The following EEF2KMT variants were observed in gnomAD, a reference collection of about 807,000 sequenced individuals.
EEF2KMT encodes the protein protein-lysine N-methyltransferase EEF2KMT.
In EEF2KMT, 30 loss-of-function variants were observed where a neutral mutation model predicts 35.1. The observed-to-expected ratio is 0.85, with a 90% CI of 0.64 to 1.16. EEF2KMT has a LOEUF of 1.16. Ranked by LOEUF, EEF2KMT falls within the 50% of genes most tolerant of loss-of-function variation. The pLI is 0.00. For missense variants in EEF2KMT, 499 were observed against 438.2 expected, an observed-to-expected ratio of 1.14 and a Z score of -1.24; for synonymous variants, 190 against 187.7, an observed-to-expected ratio of 1.01 and a Z score of -0.10.
Position 5,091,905 on chromosome 16 carries a change from GACAGAGTGAGA to G in EEF2KMT, c.241-21_241-11del, listed in dbSNP as rs752433014. ...TGTGGACAGCCTCGTGCTGGGGGCA[GACAGAGTGAGA>G]GCTTGTTTGCTTTCGTTCTAATCTG... On this transcript the variant is annotated splice_polypyrimidine_tract_variant and intron_variant, in intron 3 of 7. Coordinates refer to ENST00000427587, the MANE Select transcript of EEF2KMT (RefSeq NM_201400.4). 5.0e-6 allele frequency: 8 copies of G among 1,611,572 alleles called. No individual in the cohort carries two copies. In the African/African-American group the frequency reaches 1.1e-4, roughly 22 times the overall value.
In EEF2KMT at chr16:5,090,346, A is replaced by G. The variant is rs150428086; in HGVS notation, c.480T>C (p.Thr160=). The change falls in exon 6 of 8, where the codon ACT becomes ACC. Residue 160 remains threonine (T), a synonymous_variant. Coordinates refer to ENST00000427587, the MANE Select transcript of EEF2KMT (RefSeq NM_201400.4). The surrounding 1 kb of genome is among the most constrained non-coding windows in gnomAD (Gnocchi z 4.1). ...CAGCACCACTGCCAAGCTCTAGGAC[A>G]GTCCTGGCGGGAGGAAAGGGGACCG... ...IENPAVFTNR[T]VLELGSGAGL... is the part of the protein sequence containing the mutation. 45 of 1,611,942 alleles carry G rather than the reference A, an allele frequency of 2.8e-5. No homozygotes were observed. In the African/African-American group the frequency reaches 4.3e-4, roughly 15 times the overall value.
chr16:5,095,026 T>C (rs1756977812), intron 2 of EEF2KMT, among the ~76,000 whole-genome samples: 4 of 152,140 alleles, frequency 2.6e-5, no homozygotes, highest in Admixed American at 2.6e-4. Context: ...GCAGATGCAC[T>C]TGAGTCCAAA....
At chr16:5,088,214 T>G (rs1405788186) in intron 7 of EEF2KMT, among the ~76,000 whole-genome samples, 2 of 152,004 alleles carry the variant, frequency 1.3e-5, no homozygotes, top group Non-Finnish European at 2.9e-5. Flanking sequence ...AGTGCTGGGA[T>G]GACAGGCCTG....
chr16:5,090,518 G>C lies in EEF2KMT; in HGVS notation c.390C>G (p.Ser130=). 3 of 1,612,042 alleles carry C rather than the reference G, an allele frequency of 1.9e-6. No individual in the cohort carries two copies. The highest frequency in any genetic ancestry group is 2.5e-6 in the Non-Finnish European group (3 of 1,179,848). ...ATGTGACCAGGCCTGTGGTACCGTAGGAGATGATGGCCGTGCTCTCGGAGA... is the reference window on the plus strand; with the variant it reads ...ATGTGACCAGGCCTGTGGTACCGTACGAGATGATGGCCGTGCTCTCGGAGA... The part of the protein sequence containing the change: ...VTLSESTAII[S]YGTTGLVTWD... The change falls in exon 5 of 8, where the codon TCC becomes TCG. Residue 130 remains serine (S), a synonymous_variant. Transcript: ENST00000427587. The surrounding 1 kb of genome is among the most constrained non-coding windows in gnomAD (Gnocchi z 4.1).
At position 5,097,649 on chromosome 16, in the gene EEF2KMT, A is replaced by C; in HGVS notation, c.91T>G (p.Trp31Gly). 6.4e-7 allele frequency: 1 copy of C among 1,568,258 alleles called. No homozygotes were observed. Among genetic ancestry groups the C allele is most frequent in the Non-Finnish European group, 8.6e-7 (1 of 1,163,488 alleles). The change falls in exon 1 of 8, where the codon TGG becomes GGG. Residue 31 changes from tryptophan (W) to glycine (G), a missense_variant. Physicochemically the swap from Trp to Gly is radical, Grantham distance 184. Transcript: ENST00000427587. ...CCGCTCGCCCCGCCGCCCACCTGCC[A>C]GGGGAAGGAGCGCAGTGTGCGTGCC... is the stretch of plus-strand genomic sequence containing the variant. ...LAARTLRSFP[W>G]QSLEAKLRDS...
At chr16:5,087,388 A>G (rs564091453) in intron 7 of EEF2KMT, 4 of 152,208 alleles carry the variant, frequency 2.6e-5, no homozygotes, top group South Asian at 2.1e-4. Flanking sequence ...AAGTCTCGCT[A>G]TGTTGCTCAA....
intron 3 of EEF2KMT, 26 bp from the exon 4 acceptor site, chr16:5,091,921 G>C: frequency 6.2e-7 from 1 of 1,610,790 alleles, no homozygotes; most frequent in Non-Finnish European, 8.5e-7. Context: ...GTGAGAGCTT[G>C]TTTGCTTTCG....
At chr16:5,094,365 C>T (rs879786578) in intron 2 of EEF2KMT, among the ~76,000 whole-genome samples, 3 of 152,154 alleles carry the variant, frequency 2.0e-5, no homozygotes, top group South Asian at 2.1e-4. Flanking sequence ...TGGGTTCAAG[C>T]GATTCTCCTG....
chr16:5,084,810 C>T lies in EEF2KMT; in HGVS notation c.*822G>A, dbSNP rs764363207. On this transcript the variant is annotated 3_prime_UTR_variant, in exon 8 of 8. Transcript: ENST00000427587. ...GCTAAACCAGTTCCGGAAGAACCTG[C>T]GGGAGTCGCAGCAGCTCCGATGGGA... 2.8e-5 allele frequency: 45 copies of T among 1,596,442 alleles called. No homozygotes were observed. Among genetic ancestry groups the T allele is most frequent in the East Asian group, 2.7e-4 (12 of 44,884 alleles).
intron 2 of EEF2KMT, among the ~76,000 whole-genome samples, chr16:5,094,572 G>T (rs571039873): frequency 6.6e-6 from 1 of 152,296 alleles, no homozygotes; most frequent in African/African-American, 2.4e-5. Context: ...CTTGTGCTGG[G>T]TTTTAAAGCA....
In EEF2KMT at chr16:5,085,338, A is replaced by G; in HGVS notation, c.*294T>C. On this transcript the variant is annotated 3_prime_UTR_variant, in exon 8 of 8. Coordinates refer to ENST00000427587, the MANE Select transcript of EEF2KMT (RefSeq NM_201400.4). ...AGTGTGTCCACGTTGGGGGAACATC[A>G]TACTTGATACACACGTTTTTATTTG... 3.9e-6 allele frequency: 2 copies of G among 506,400 alleles called. No individual in the cohort carries two copies. The highest frequency in any genetic ancestry group is 2.1e-5 in the South Asian group (1 of 47,660). The allele number at this position is 506,400 out of a possible 1,614,324, so 31.4% of individuals were successfully genotyped here.
chr16:5,091,234 A>G (rs1436421578), intron 4 of EEF2KMT, among the ~76,000 whole-genome samples: 1 of 151,992 alleles, frequency 6.6e-6, no homozygotes, highest in African/African-American at 2.4e-5. Flanking sequence ...GGTGCCCACT[A>G]CCACACCCCG....
rs747328439 is a variant in EEF2KMT, at chr16:5,090,449, C to T, written c.459G>A (p.Pro153=). 92 of 1,611,960 alleles carry T rather than the reference C, an allele frequency of 5.7e-5. 1 individual carries two copies. Among genetic ancestry groups the T allele is most frequent in the South Asian group, 5.2e-4 (47 of 90,976 alleles). The change falls in exon 5 of 8, where the codon CCG becomes CCA. Residue 153 remains proline (P), a synonymous_variant. Transcript: ENST00000427587. This position sits in a 1 kb window ranked among gnomAD's most constrained non-coding sequence, Gnocchi z 4.1. ...LYLAEWAIEN[P]AVFTNRTVLE... ...GAGGTCACCTGTTAGTGAAGACTGC[C>T]GGGTTCTCGATGGCCCATTCTGCAA...
At chr16:5,094,708 C>T (rs938283612) in intron 2 of EEF2KMT, among the ~76,000 whole-genome samples, 3 of 148,216 alleles carry the variant, frequency 2.0e-5, no homozygotes, top group Non-Finnish European at 4.5e-5. Flanking sequence ...GAAAGTTTTC[C>T]CTGCTGTGGC....
At position 5,084,830 on chromosome 16, in the gene EEF2KMT, A is replaced by T. The variant is rs1397097240; in HGVS notation, c.*802T>A. 1.9e-6 allele frequency: 3 copies of T among 1,596,318 alleles called. No individual in the cohort carries two copies. Among genetic ancestry groups the T allele is most frequent in the South Asian group, 2.2e-5 (2 of 90,996 alleles). On this transcript the variant is annotated 3_prime_UTR_variant, in exon 8 of 8. Transcript: ENST00000427587. The stretch of plus-strand genomic sequence containing the variant: ...ACCTGCGGGAGTCGCAGCAGCTCCG[A>T]TGGGATGAGAGCTGGGTGCAGACTG...
At chr16:5,087,800 CAAAA>C (rs34399333) in intron 7 of EEF2KMT, among the ~76,000 whole-genome samples, 2 of 73,212 alleles carry the variant, frequency 2.7e-5, no homozygotes, top group African/African-American at 5.3e-5. Flanking sequence ...GACTCTGTCT[CAAAA>C]AAAAAAAAAA....
chr16:5,088,179 T>C (rs959473993), intron 7 of EEF2KMT, among the ~76,000 whole-genome samples: 7 of 152,158 alleles, frequency 4.6e-5, no homozygotes, highest in African/African-American at 9.6e-5. Flanking sequence ...TGGGGTCAAG[T>C]AGTCCTCTTG....
chr16:5,095,989 C>T lies in EEF2KMT; in HGVS notation c.97-475G>A, dbSNP rs534505464. 3.9e-5 allele frequency among the ~76,000 whole-genome samples: 6 copies of T among 152,282 alleles called. No individual in the cohort carries two copies. The South Asian group carries it at 1.2e-3, about 32-fold the overall frequency. On this transcript the variant is annotated intron_variant, in intron 1 of 7. Coordinates refer to ENST00000427587, the MANE Select transcript of EEF2KMT (RefSeq NM_201400.4). ...GGCAAGGCACTTCATTGCTTCAGAG[C>T]TCCCTCCATGCCATAAAAGGCCCTA... is the stretch of plus-strand genomic sequence containing the variant.
At chr16:5,095,838 T>TGAGTTA (rs1174921931) in intron 1 of EEF2KMT, among the ~76,000 whole-genome samples, 1 of 40,836 alleles carries the variant, frequency 2.4e-5, no homozygotes, top group African/African-American at 6.0e-5. Flanking sequence ...GCTTGCCATC[T>TGAGTTA]AAGTGGAGAT....
Sources: gnomAD v4.1 joint callset for allele counts (sites outside exome capture counted in the v4.1 genomes callset) on GRCh38, gnomAD v4.1.1 for gene constraint, Gnocchi (gnomAD v3.1) non-coding constraint, MANE v1.5 for transcripts, NCBI Gene and HGNC (gene_info 2026-07-23, HGNC 2026-07-21) for gene names.